The following UGGT2 variants were observed in gnomAD, a reference collection of about 807,000 sequenced individuals.
UGGT2 encodes the protein UDP-glucose:glycoprotein glucosyltransferase 2.
A neutral mutation model predicts 192.1 loss-of-function variants in UGGT2; 180 were observed. The ratio of observed to expected loss-of-function variants is 0.94; its 90% CI spans 0.83 to 1.06. The LOEUF is 1.06. UGGT2 is among the 50% of genes least tolerant of loss of function. The probability of loss-of-function intolerance (pLI) is 0.00; values close to 1 mark genes in which losing one functional copy is unlikely to be tolerated. For missense variants in UGGT2, 1,849 were observed against 1,795.7 expected (o/e 1.03, Z -0.54); for synonymous variants, 580 against 591.0 (o/e 0.98, Z 0.27).
intron 1 of UGGT2, among the ~76,000 whole-genome samples, chr13:96,041,458 C>A (rs2053162243): frequency 6.6e-6 from 1 of 152,154 alleles, no homozygotes; most frequent in Admixed American, 6.5e-5. Flanking sequence ...TCCAGCTGAA[C>A]CTTGTAACAA....
chr13:95,984,312 A>G (rs1272176016), intron 9 of UGGT2, among the ~76,000 whole-genome samples: 1 of 152,036 alleles, frequency 6.6e-6, no homozygotes, highest in African/African-American at 2.4e-5. Context: ...TCACTCTTTC[A>G]ATTTTTTCAA....
Position 95,816,404 on chromosome 13 carries a change from C to T in UGGT2, c.4529-14592G>A, listed in dbSNP as rs548653964. Among the ~76,000 whole-genome samples the T allele has an allele frequency of 5.3e-5, 8 of 152,232 alleles. 1 individual carries two copies. Among genetic ancestry groups the T allele is most frequent in the African/African-American group, 1.9e-4 (8 of 41,540 alleles). On this transcript the variant is annotated intron_variant, in intron 38 of 38. Transcript: ENST00000376747. Reference sequence around the variant, plus strand: ...TACAAGCTTTCCATATGACCCAACACCCCCATACTACTAGGTATTTACAGA... The same window carrying T: ...TACAAGCTTTCCATATGACCCAACATCCCCATACTACTAGGTATTTACAGA...
intron 6 of UGGT2, among the ~76,000 whole-genome samples, chr13:95,997,418 T>G (rs1392758841): frequency 6.6e-6 from 1 of 152,020 alleles, no homozygotes; most frequent in East Asian, 1.9e-4. Context: ...GAGGCTGAGG[T>G]GGGTGAATCA....
At chr13:95,949,151 G>A (rs1005390950) in intron 13 of UGGT2, among the ~76,000 whole-genome samples, 184 bp downstream of exon 13, 1 of 152,116 alleles carries the variant, frequency 6.6e-6, no homozygotes, top group South Asian at 2.1e-4. Context: ...GCATGAGAAC[G>A]GACTAATACA....
chr13:96,041,207 G>A (rs2053154847), intron 1 of UGGT2, among the ~76,000 whole-genome samples: 1 of 152,190 alleles, frequency 6.6e-6, no homozygotes, highest in African/African-American at 2.4e-5. Context: ...GGGATTGTCT[G>A]CCCCTGAAAA....
chr13:95,937,284 A>C (rs553896100), intron 16 of UGGT2, among the ~76,000 whole-genome samples, 196 bp from the exon 17 acceptor site: 56 of 152,340 alleles, frequency 3.7e-4, no homozygotes, highest in African/African-American at 1.3e-3. Flanking sequence ...TTTTATGTAA[A>C]GGGCCAGAGA....
chr13:95,966,398 G>A (rs188738466), intron 12 of UGGT2, among the ~76,000 whole-genome samples: 1 of 152,252 alleles, frequency 6.6e-6, no homozygotes, highest in East Asian at 1.9e-4. Context: ...AGGGCATGCT[G>A]GTGGGAGGGG....
intron 38 of UGGT2, among the ~76,000 whole-genome samples, chr13:95,822,844 G>A (rs1315234742): frequency 6.6e-6 from 1 of 151,750 alleles, no homozygotes; most frequent in Non-Finnish European, 1.5e-5. Flanking sequence ...CAATGGCTTT[G>A]GGTTTAGTTT....
chr13:95,981,081 T>A (rs1326595043), intron 10 of UGGT2, among the ~76,000 whole-genome samples: 1 of 152,142 alleles, frequency 6.6e-6, no homozygotes, highest in Non-Finnish European at 1.5e-5. Flanking sequence ...ATGTTTCTTA[T>A]CTCCTCTACT....
intron 5 of UGGT2, among the ~76,000 whole-genome samples, chr13:96,009,016 A>T (rs2052071355): frequency 6.6e-6 from 1 of 152,232 alleles, no homozygotes; most frequent in Non-Finnish European, 1.5e-5. Flanking sequence ...AGAACAGAAT[A>T]GACAGCCCAG....
intron 38 of UGGT2, among the ~76,000 whole-genome samples, chr13:95,806,059 G>A: frequency 1.5e-5 from 2 of 132,488 alleles, no homozygotes; most frequent in Non-Finnish European, 3.2e-5. Context: ...AAAACACACA[G>A]TGGAAAAAAA....
intron 12 of UGGT2, among the ~76,000 whole-genome samples, chr13:95,957,735 T>C (rs934882651): frequency 2.0e-5 from 3 of 152,218 alleles, no homozygotes; most frequent in African/African-American, 7.2e-5. Flanking sequence ...GGTTTCTTTA[T>C]AGGTCTGTTT....
chr13:95,985,759 C>A (rs1430486917), intron 9 of UGGT2, among the ~76,000 whole-genome samples: 4 of 152,118 alleles, frequency 2.6e-5, no homozygotes, highest in Non-Finnish European at 5.9e-5. Flanking sequence ...GCATTGCATG[C>A]ACCGGTCTCT....
At chr13:95,840,133 G>A (rs1456384164) in intron 36 of UGGT2, among the ~76,000 whole-genome samples, 1 of 152,058 alleles carries the variant, frequency 6.6e-6, no homozygotes, top group Non-Finnish European at 1.5e-5. Context: ...ACACAGGCAT[G>A]GGCAAAGACT....
Position 96,023,158 on chromosome 13 carries a change from AT to A in UGGT2, c.373-7del. 6.4e-7 allele frequency: 1 copy of A among 1,564,862 alleles called. No individual in the cohort carries two copies. The highest frequency in any genetic ancestry group is 8.7e-7 in the Non-Finnish European group (1 of 1,154,366). ...GGTGGCTCATCAGCTGCAATCTAAG[AT>A]TTCAAAGATTATATTTAGCTACAGC... On this transcript the variant is annotated splice_region_variant and splice_polypyrimidine_tract_variant and intron_variant, in intron 3 of 38. Coordinates refer to ENST00000376747, the MANE Select transcript of UGGT2 (RefSeq NM_020121.4).
chr13:95,854,527 C>A (rs1889394934), intron 34 of UGGT2, 52 bp from the exon 35 acceptor site: 1 of 1,442,204 alleles, frequency 6.9e-7, no homozygotes, highest in Non-Finnish European at 9.2e-7. Flanking sequence ...AACATAAGCC[C>A]TTTTTTATGG....
intron 17 of UGGT2, among the ~76,000 whole-genome samples, chr13:95,935,890 GATC>G (rs2049446549): frequency 6.6e-6 from 1 of 152,278 alleles, no homozygotes; most frequent in Admixed American, 6.5e-5. Context: ...GCAGTGGCAT[GATC>G]ATGACTTACT....
chr13:95,868,858 G>A (rs547439895), intron 29 of UGGT2, among the ~76,000 whole-genome samples: 30 of 151,948 alleles, frequency 2.0e-4, no homozygotes, highest in Non-Finnish European at 3.2e-4. Context: ...TAATGGTGAC[G>A]AGCTCTCATT....
intron 5 of UGGT2, among the ~76,000 whole-genome samples, chr13:96,000,274 T>C (rs2051756517): frequency 6.6e-6 from 1 of 152,218 alleles, no homozygotes; most frequent in African/African-American, 2.4e-5. Context: ...AGAACTTTAG[T>C]AGTGTGTTAT....
Sources: allele counts gnomAD v4.1 joint callset (sites outside exome capture counted in the v4.1 genomes callset), GRCh38; gene constraint gnomAD v4.1.1; transcripts MANE v1.5; gene names NCBI Gene and HGNC (gene_info 2026-07-23, HGNC 2026-07-21).